Variants in DACH2 observed in about 807,000 individuals in gnomAD.
DACH2 encodes the protein dachshund homolog 2.
Under a neutral mutation model 35.8 loss-of-function variants are expected in DACH2, and 17 were observed. The observed-to-expected ratio is 0.48, with a 90% CI of 0.33 to 0.71. DACH2 has a LOEUF of 0.71. Among genes scored for constraint, DACH2 ranks in the 30% least tolerant of loss-of-function variants. The probability of loss-of-function intolerance (pLI) is 0.02; values close to 1 mark genes in which losing one functional copy is unlikely to be tolerated. For synonymous variants in DACH2, 195 were observed against 177.3 expected, an observed-to-expected ratio of 1.10 and a Z score of -0.79; for missense variants, 469 against 472.7, an observed-to-expected ratio of 0.99 and a Z score of 0.07.
intron 3 of DACH2, among the ~76,000 whole-genome samples, chrX:86,624,219 AAACTAAAAAAT>A (rs1475396493): frequency 2.7e-5 from 3 of 111,441 alleles, no homozygotes; most frequent in African/African-American, 9.8e-5. Context: ...GCAGGATTTC[AAACTAAAAAAT>A]AAAGTGTACT....
intron 6 of DACH2, among the ~76,000 whole-genome samples, chrX:86,737,486 T>C (rs753091989): frequency 8.9e-6 from 1 of 112,228 alleles, no homozygotes; most frequent in African/African-American, 3.2e-5. Flanking sequence ...AATTGTTGGA[T>C]GTTAATGAAA....
chrX:86,179,426 T>G, intron 1 of DACH2, among the ~76,000 whole-genome samples: 1 of 111,775 alleles, frequency 8.9e-6, no homozygotes, highest in Non-Finnish European at 1.9e-5. Context: ...GCAATGGTTT[T>G]GAATCAGGAG....
intron 3 of DACH2, among the ~76,000 whole-genome samples, chrX:86,575,268 C>T (rs1190799145): frequency 9.0e-6 from 1 of 110,687 alleles, no homozygotes; most frequent in African/African-American, 3.3e-5. Context: ...ATTTTAATGA[C>T]CAAAAAATCG....
chrX:86,477,446 T>A (rs1046557559), intron 2 of DACH2, among the ~76,000 whole-genome samples: 2 of 106,370 alleles, frequency 1.9e-5, no homozygotes, highest in African/African-American at 6.8e-5. Context: ...TATAGTTTTG[T>A]CTTGAAATCG....
At chrX:86,508,989 A>T (rs1048958327) in intron 2 of DACH2, among the ~76,000 whole-genome samples, 1 of 111,662 alleles carries the variant, frequency 9.0e-6, no homozygotes, top group Admixed American at 9.6e-5. Context: ...ATTTATTATA[A>T]TTATAAGATT....
At chrX:86,585,450 G>C (rs1016834592) in intron 3 of DACH2, among the ~76,000 whole-genome samples, 6 of 110,360 alleles carry the variant, frequency 5.4e-5, no homozygotes, top group African/African-American at 1.6e-4. Context: ...TGTTAAACAG[G>C]CAAATTGCGT....
At chrX:86,415,664 A>G (rs1223245019) in intron 2 of DACH2, among the ~76,000 whole-genome samples, 2 of 111,810 alleles carry the variant, frequency 1.8e-5, no homozygotes, top group African/African-American at 6.5e-5. Context: ...ACTTTAAAGA[A>G]GATTTTCCCC....
At chrX:86,676,666 AAC>A (rs2040829128) in intron 4 of DACH2, among the ~76,000 whole-genome samples, 1 of 112,165 alleles carries the variant, frequency 8.9e-6, no homozygotes, top group Non-Finnish European at 1.9e-5. Flanking sequence ...ATAAAAAACA[AAC>A]AATTTAATTT....
chrX:86,613,327 T>G (rs1335397355), intron 3 of DACH2, among the ~76,000 whole-genome samples: 2 of 111,559 alleles, frequency 1.8e-5, no homozygotes, highest in Non-Finnish European at 3.8e-5. Context: ...CTCTAACTCT[T>G]ACCTTTCTTT....
chrX:86,396,477 G>A (rs1429033520), intron 2 of DACH2, among the ~76,000 whole-genome samples: 8 of 97,848 alleles, frequency 8.2e-5, no homozygotes, highest in Non-Finnish European at 1.4e-4. Context: ...CCTATGTCCT[G>A]AATGGTAATG....
At chrX:86,336,503 C>A (rs2105921) in intron 1 of DACH2, among the ~76,000 whole-genome samples, 1 of 111,545 alleles carries the variant, frequency 9.0e-6, no homozygotes, top group South Asian at 3.7e-4. Flanking sequence ...GCAGATGGGC[C>A]TGACTGTTAG....
chrX:86,209,007 C>T (rs1367546322), intron 1 of DACH2, among the ~76,000 whole-genome samples: 1 of 111,501 alleles, frequency 9.0e-6, no homozygotes, highest in Non-Finnish European at 1.9e-5. Flanking sequence ...ATTTCATAGG[C>T]ATGAAGCTTT....
intron 3 of DACH2, among the ~76,000 whole-genome samples, chrX:86,601,378 G>A (rs372539438): frequency 3.6e-5 from 4 of 111,711 alleles, no homozygotes; most frequent in African/African-American, 1.3e-4. Flanking sequence ...GAAAAATGCT[G>A]TCCTGATTTC....
chrX:86,210,245 C>T (rs764898722), intron 1 of DACH2, among the ~76,000 whole-genome samples: 1 of 111,333 alleles, frequency 9.0e-6, no homozygotes, highest in African/African-American at 3.3e-5. Flanking sequence ...CATTTGTTAC[C>T]ATTAAAAATG....
Position 86,173,827 on chromosome X carries a change from G to A in DACH2, c.488+24719G>A, listed in dbSNP as rs150214662. Among the ~76,000 whole-genome samples, 708 of 112,181 alleles carry A rather than the reference G, an allele frequency of 6.3e-3. 5 individuals carry two copies. Among genetic ancestry groups the A allele is most frequent in the African/African-American group, 0.021 (646 of 30,899 alleles). On this transcript the variant is annotated intron_variant, in intron 1 of 11. Transcript: ENST00000373125. ...TAGGTTGAGAATAGGCTCATATAAGGCAAAGGTAGAAGCAGGATGCTATTG... is the reference window on the plus strand; with the variant it reads ...TAGGTTGAGAATAGGCTCATATAAGACAAAGGTAGAAGCAGGATGCTATTG...
At chrX:86,813,304 G>C (rs371566758) in intron 9 of DACH2, 27 bp downstream of exon 9, 55 of 1,158,097 alleles carry the variant, frequency 4.7e-5, no homozygotes, top group Middle Eastern at 5.3e-4. Context: ...CAATTACAGA[G>C]TGAATATTAT....
intron 1 of DACH2, among the ~76,000 whole-genome samples, chrX:86,291,438 C>G (rs973358322): frequency 1.6e-4 from 16 of 101,026 alleles, no homozygotes; most frequent in African/African-American, 6.0e-4. Context: ...CCTAATTGGC[C>G]TGGCCAGAAC....
chrX:86,618,500 G>A (rs943941565), intron 3 of DACH2, among the ~76,000 whole-genome samples: 1 of 111,425 alleles, frequency 9.0e-6, no homozygotes, highest in Non-Finnish European at 1.9e-5. Flanking sequence ...TCATAATATA[G>A]ACTTATCGAC....
At chrX:86,738,791 A>G (rs1158204816) in intron 6 of DACH2, among the ~76,000 whole-genome samples, 8 of 111,944 alleles carry the variant, frequency 7.1e-5, no homozygotes, top group African/African-American at 1.3e-4. Context: ...ACAAAAATAT[A>G]TGGAATAGTA....
Sources: allele counts gnomAD v4.1 joint callset (sites outside exome capture counted in the v4.1 genomes callset), GRCh38; gene constraint gnomAD v4.1.1; transcripts MANE v1.5; gene names NCBI Gene and HGNC (gene_info 2026-07-23, HGNC 2026-07-21).